Variants in PDPK1 observed in about 807,000 individuals in gnomAD.
The protein encoded by PDPK1 is 3-phosphoinositide-dependent protein kinase 1.
Under a neutral mutation model 39.8 loss-of-function variants are expected in PDPK1, and 7 were observed. That is an observed-to-expected ratio of 0.18 (90% CI 0.10 to 0.33). PDPK1 has a LOEUF of 0.33. PDPK1 is among the 10% of genes least tolerant of loss of function. The pLI, the probability that PDPK1 is intolerant of heterozygous loss-of-function variation, is 1.00. For synonymous variants in PDPK1, 118 were observed against 159.1 expected, an observed-to-expected ratio of 0.74 and a Z score of 1.95; for missense variants, 182 against 384.7, an observed-to-expected ratio of 0.47 and a Z score of 4.41.
chr16:2,538,087 G>T lies in PDPK1; in HGVS notation c.-26G>T, dbSNP rs1001105864. 124 of 1,040,858 alleles carry T rather than the reference G, an allele frequency of 1.2e-4. No individual in the cohort carries two copies. The highest frequency in any genetic ancestry group is 1.4e-4 in the Non-Finnish European group (122 of 862,736). 64.5% of individuals were successfully genotyped at this position (1,040,858 alleles called of 1,614,324 possible). ...CGCCGAGCCGCGCAGCGCTGCGGGGGAGGCGCCCGCGCCGACGCGGGGCCC... is the reference window on the plus strand; with the variant it reads ...CGCCGAGCCGCGCAGCGCTGCGGGGTAGGCGCCCGCGCCGACGCGGGGCCC... On this transcript the variant is annotated 5_prime_UTR_variant, in exon 1 of 14. Coordinates refer to ENST00000342085, the MANE Select transcript of PDPK1 (RefSeq NM_002613.5).
At chr16:2,551,563 G>A (rs560622012) in intron 1 of PDPK1, among the ~76,000 whole-genome samples, 216 of 151,522 alleles carry the variant, frequency 1.4e-3, no homozygotes, top group African/African-American at 4.9e-3. Context: ...CCATTTAAAG[G>A]TAGCTTAGCT....
chr16:2,588,446 T>C (rs1177529748), intron 11 of PDPK1, among the ~76,000 whole-genome samples: 2 of 152,056 alleles, frequency 1.3e-5, no homozygotes, highest in Admixed American at 1.3e-4. Context: ...CCAGGAGCGC[T>C]CTCTCTGCAG....
chr16:2,596,451 T>C (rs950765697), intron 12 of PDPK1, among the ~76,000 whole-genome samples: 2 of 152,126 alleles, frequency 1.3e-5, no homozygotes, highest in Non-Finnish European at 1.5e-5. Flanking sequence ...GTCTCAGCCT[T>C]CCAAAGTGCT....
intron 11 of PDPK1, among the ~76,000 whole-genome samples, chr16:2,590,698 T>A (rs1421185192): frequency 6.6e-6 from 1 of 152,264 alleles, no homozygotes; most frequent in South Asian, 2.1e-4. Flanking sequence ...ATGTCAGTGA[T>A]AACATTGAAA....
chr16:2,595,890 G>A (rs376061888), intron 12 of PDPK1, 40 bp downstream of exon 12: 2 of 1,516,130 alleles, frequency 1.3e-6, no homozygotes, highest in Non-Finnish European at 1.8e-6. Context: ...ACGGACACCT[G>A]CATCTTCCCC....
chr16:2,553,382 G>C (rs1224041071), intron 1 of PDPK1, among the ~76,000 whole-genome samples: 1 of 112,530 alleles, frequency 8.9e-6, no homozygotes, highest in Admixed American at 8.6e-5. Flanking sequence ...ACAAGGTTTT[G>C]TTCTGTCACC....
At chr16:2,544,688 A>G (rs2066305421) in intron 1 of PDPK1, among the ~76,000 whole-genome samples, 1 of 151,440 alleles carries the variant, frequency 6.6e-6, no homozygotes, top group South Asian at 2.1e-4. Context: ...GGTTCACACC[A>G]TTCTCCTGCC....
At chr16:2,586,537 G>A (rs555735758) in intron 10 of PDPK1, 139 bp from the exon 11 acceptor site, 1 of 677,964 alleles carries the variant, frequency 1.5e-6, no homozygotes, top group South Asian at 1.8e-5. Flanking sequence ...AGGAGAATCA[G>A]GGCTGCCCAC....
intron 1 of PDPK1, among the ~76,000 whole-genome samples, chr16:2,556,349 C>T (rs1338972112): frequency 6.7e-6 from 1 of 148,194 alleles, no homozygotes; most frequent in Non-Finnish European, 1.5e-5. Flanking sequence ...GGCCTCTGCG[C>T]CCGGCCTATT....
At position 2,597,509 on chromosome 16, in the gene PDPK1, G is replaced by A; in HGVS notation, c.1555-142G>A. On this transcript the variant is annotated intron_variant, in intron 13 of 13. Coordinates refer to ENST00000342085, the MANE Select transcript of PDPK1 (RefSeq NM_002613.5). The surrounding 1 kb of genome is among the most constrained non-coding windows in gnomAD (Gnocchi z 6.3). ...GGGGTGGTGGTCATCAGCCTGTGTA[G>A]TTGCTTACTGCTTGTGTGAATAACC... 2 of 734,428 alleles carry A rather than the reference G, an allele frequency of 2.7e-6. No homozygotes were observed. Among genetic ancestry groups the A allele is most frequent in the Admixed American group, 4.0e-5 (2 of 49,936 alleles). The allele number at this position is 734,428 out of a possible 1,614,324, so 45.5% of individuals were successfully genotyped here. A position where few individuals can be genotyped will look rare whatever the true frequency, so the allele number is the denominator to read the frequency against.
intron 1 of PDPK1, among the ~76,000 whole-genome samples, chr16:2,545,714 C>T (rs2066330599): frequency 6.6e-6 from 1 of 152,086 alleles, no homozygotes; most frequent in Non-Finnish European, 1.5e-5. Context: ...AGGCTGGTCG[C>T]GAACTCCTAA....
chr16:2,547,401 A>G (rs893041645), intron 1 of PDPK1, among the ~76,000 whole-genome samples: 2 of 106,816 alleles, frequency 1.9e-5, no homozygotes, highest in Non-Finnish European at 3.6e-5. Context: ...GGTAACTCAC[A>G]TGTTCTTCCT....
intron 10 of PDPK1, among the ~76,000 whole-genome samples, chr16:2,585,985 C>T (rs770689997): frequency 2.0e-5 from 3 of 152,208 alleles, no homozygotes; most frequent in Non-Finnish European, 4.4e-5. Context: ...AGGTGGCTTC[C>T]CTTGCCCAGG....
chr16:2,586,255 G>C (rs867311842), intron 10 of PDPK1, among the ~76,000 whole-genome samples: 1 of 152,248 alleles, frequency 6.6e-6, no homozygotes, highest in Admixed American at 6.5e-5. Context: ...GGCCCAACAA[G>C]GTCTTGCACG....
Position 2,551,909 on chromosome 16 carries a change from G to C in PDPK1, c.25-5794G>C, listed in dbSNP as rs576107990. 5.6e-4 allele frequency among the ~76,000 whole-genome samples: 85 copies of C among 151,374 alleles called. 2 individuals carry two copies. Among genetic ancestry groups the C allele is most frequent in the African/African-American group, 1.5e-3 (62 of 41,392 alleles). On this transcript the variant is annotated intron_variant, in intron 1 of 13. Transcript: ENST00000342085. ...TCAAACTCCTGATCTCAGATGATGC[G>C]CCTGCCTCGGCCTCCCAAAGTGCTG...
intron 1 of PDPK1, among the ~76,000 whole-genome samples, chr16:2,545,097 T>G (rs1261249378): frequency 6.8e-6 from 1 of 146,788 alleles, no homozygotes; most frequent in Non-Finnish European, 1.5e-5. Flanking sequence ...AGTGCAGTAG[T>G]GCGATCTTGG....
In PDPK1 at chr16:2,585,523, C is replaced by T. The variant is rs1328666583; in HGVS notation, c.1126-1153C>T. On this transcript the variant is annotated intron_variant, in intron 10 of 13. Transcript: ENST00000342085. ...GTTGGCCATGGTACCTGCCCTTGGGCCAAGGCAGGAGAGCAGGTGCTTCGT... is the reference window on the plus strand; with the variant it reads ...GTTGGCCATGGTACCTGCCCTTGGGTCAAGGCAGGAGAGCAGGTGCTTCGT... Among the ~76,000 whole-genome samples, 2 of 152,338 alleles carry T rather than the reference C, an allele frequency of 1.3e-5. 1 individual carries two copies. Among genetic ancestry groups the T allele is most frequent in the South Asian group, 4.1e-4 (2 of 4,824 alleles).
intron 1 of PDPK1, among the ~76,000 whole-genome samples, chr16:2,551,730 A>T (rs568578236): frequency 6.7e-6 from 1 of 148,244 alleles, no homozygotes; most frequent in South Asian, 2.1e-4. Flanking sequence ...GCGGTGACGC[A>T]ATCTCTGCTC....
chr16:2,585,912 C>T lies in PDPK1; in HGVS notation c.1126-764C>T, dbSNP rs111712549. 7.9e-5 allele frequency among the ~76,000 whole-genome samples: 12 copies of T among 152,334 alleles called. 1 individual carries two copies. The highest frequency in any genetic ancestry group is 2.9e-4 in the African/African-American group (12 of 41,568). On this transcript the variant is annotated intron_variant, in intron 10 of 13. Coordinates refer to ENST00000342085, the MANE Select transcript of PDPK1 (RefSeq NM_002613.5). ...CTCTTATCCTAGCCATTGCTCGTGG[C>T]ACCTTTTCTTTCCCCTTGTCCTTGG...
Sources: gnomAD v4.1 joint callset for allele counts (sites outside exome capture counted in the v4.1 genomes callset) on GRCh38, gnomAD v4.1.1 for gene constraint, Gnocchi (gnomAD v3.1) non-coding constraint, MANE v1.5 for transcripts, NCBI Gene and HGNC (gene_info 2026-07-23, HGNC 2026-07-21) for gene names.